NCAM1: variants seen among roughly 807,000 people sequenced by gnomAD.
The protein encoded by NCAM1 is antigen recognized by monoclonal antibody 5.1H11.
Under a neutral mutation model 109.8 loss-of-function variants are expected in NCAM1, and 14 were observed. The observed-to-expected ratio is 0.13, with a 90% confidence interval of 0.08 to 0.20. The LOEUF (loss-of-function observed/expected upper bound fraction) is 0.20. NCAM1 is among the 10% of genes least tolerant of loss of function. NCAM1 has a pLI of 1.00. For missense variants in NCAM1, 774 were observed against 1,109.9 expected (o/e 0.70, Z 4.30); for synonymous variants, 418 against 442.9 (o/e 0.94, Z 0.70).
At chr11:112,998,790 A>T (rs567915197) in intron 1 of NCAM1, among the ~76,000 whole-genome samples, 3 of 152,286 alleles carry the variant, frequency 2.0e-5, no homozygotes, top group African/African-American at 7.2e-5. Flanking sequence ...GTGTGCCCAG[A>T]TCTCTTTTTT....
intron 1 of NCAM1, among the ~76,000 whole-genome samples, chr11:113,155,646 C>T (rs1406655268): frequency 1.3e-5 from 2 of 152,220 alleles, no homozygotes; most frequent in African/African-American, 4.8e-5. Flanking sequence ...CCTCCACCCA[C>T]ACTAGTGAAC....
intron 4 of NCAM1, 116 bp from the exon 5 acceptor site, chr11:113,205,927 G>A: frequency 7.5e-7 from 1 of 1,327,662 alleles, no homozygotes; most frequent in Non-Finnish European, 1.1e-6. Context: ...TTCTTATTTG[G>A]GCTTAAAACC....
chr11:113,226,051 C>A (rs1378828723), intron 9 of NCAM1, among the ~76,000 whole-genome samples: 1 of 152,194 alleles, frequency 6.6e-6, no homozygotes, highest in Non-Finnish European at 1.5e-5. Context: ...CAGCTAACAT[C>A]TCAATGACAG....
In NCAM1 at chr11:113,025,414, G is replaced by A. The variant is rs1469045872; in HGVS notation, c.52+63750G>A. Among the ~76,000 whole-genome samples the A allele has an allele frequency of 2.0e-5, 3 of 152,008 alleles. No individual in the cohort carries two copies. In the South Asian group the frequency reaches 6.2e-4, roughly 32 times the overall value. On this transcript the variant is annotated intron_variant, in intron 1 of 19. Coordinates refer to ENST00000316851, the MANE Select transcript of NCAM1 (RefSeq NM_181351.5). ...CCTACTTCTGCATCATGAATGCTGG[G>A]TTACAGTGGTAACCTATAAATTAAG...
chr11:113,234,275 G>T (rs1302648543), intron 13 of NCAM1, among the ~76,000 whole-genome samples: 2 of 148,050 alleles, frequency 1.4e-5, no homozygotes, highest in Non-Finnish European at 3.0e-5. Flanking sequence ...TTTTTTTAAA[G>T]ATCAATTCTA....
At chr11:113,034,195 A>G (rs1277358514) in intron 1 of NCAM1, among the ~76,000 whole-genome samples, 1 of 152,174 alleles carries the variant, frequency 6.6e-6, no homozygotes. Context: ...TCTGTTGTCC[A>G]GTCATGCGCA....
chr11:112,969,167 A>G (rs1950807731), intron 1 of NCAM1, among the ~76,000 whole-genome samples: 3 of 152,168 alleles, frequency 2.0e-5, no homozygotes, highest in Admixed American at 2.0e-4. Context: ...TGGGCAGAGC[A>G]GACACCCTGA....
chr11:113,128,161 C>T (rs1421083853), intron 1 of NCAM1, among the ~76,000 whole-genome samples: 1 of 152,206 alleles, frequency 6.6e-6, no homozygotes, highest in Non-Finnish European at 1.5e-5. Flanking sequence ...TTTCCAACAG[C>T]ATCTAATACG....
chr11:113,251,134 G>T (rs1945666625), intron 15 of NCAM1, among the ~76,000 whole-genome samples: 1 of 152,162 alleles, frequency 6.6e-6, no homozygotes, highest in Non-Finnish European at 1.5e-5. Context: ...TGCCTGTTTG[G>T]CACCCCAGCC....
At chr11:112,993,286 T>C (rs1555070857) in intron 1 of NCAM1, among the ~76,000 whole-genome samples, 1 of 151,950 alleles carries the variant, frequency 6.6e-6, no homozygotes. Context: ...GCATATCACA[T>C]GGGGAAAGTA....
intron 9 of NCAM1, among the ~76,000 whole-genome samples, chr11:113,222,488 T>C (rs1944716704): frequency 1.3e-5 from 2 of 152,240 alleles, no homozygotes; most frequent in African/African-American, 2.4e-5. Flanking sequence ...CTCCCTGTCA[T>C]TGGGATGACT....
chr11:113,034,975 C>G (rs1555078923), intron 1 of NCAM1, among the ~76,000 whole-genome samples: 1 of 152,182 alleles, frequency 6.6e-6, no homozygotes, highest in Non-Finnish European at 1.5e-5. Context: ...AACCTTGAAT[C>G]AACACTCTCG....
At chr11:113,058,235 G>C (rs1555082914) in intron 1 of NCAM1, among the ~76,000 whole-genome samples, 1 of 150,150 alleles carries the variant, frequency 6.7e-6, no homozygotes, top group Admixed American at 6.6e-5. Context: ...AGTGAGCCGA[G>C]ATCTCACCAT....
At position 113,193,705 on chromosome 11, in the gene NCAM1, G is replaced by C. The variant is rs142336549; in HGVS notation, c.53-8674G>C. Among the ~76,000 whole-genome samples, 11 of 152,178 alleles carry C rather than the reference G, an allele frequency of 7.2e-5. No individual in the cohort carries two copies. In the East Asian group the frequency reaches 2.1e-3, roughly 29 times the overall value. ...ACAGAGAAAGAGAGAAAGAGAAAGG[G>C]AAAGGAAAAGAAATGAGAAAAGAGA... On this transcript the variant is annotated intron_variant, in intron 1 of 19. Transcript: ENST00000316851.
At chr11:113,260,052 T>A (rs1311862272) in intron 16 of NCAM1, 94 bp from the exon 17 acceptor site, 1 of 1,109,218 alleles carries the variant, frequency 9.0e-7, no homozygotes, top group Admixed American at 2.7e-5. Flanking sequence ...AGTTATTGAG[T>A]CCCGTAAGTT....
intron 1 of NCAM1, among the ~76,000 whole-genome samples, chr11:113,178,257 A>C (rs1338179362): frequency 6.6e-6 from 1 of 152,180 alleles, no homozygotes; most frequent in Non-Finnish European, 1.5e-5. Flanking sequence ...ATGGGGGCCA[A>C]ATGGGAGAGA....
At chr11:113,167,089 A>G (rs1942826873) in intron 1 of NCAM1, among the ~76,000 whole-genome samples, 1 of 152,132 alleles carries the variant, frequency 6.6e-6, no homozygotes, top group Middle Eastern at 3.2e-3. Context: ...TGCCACTCTC[A>G]CTACACTGAC....
chr11:113,111,940 G>C (rs1000745632), intron 1 of NCAM1, among the ~76,000 whole-genome samples: 1 of 152,124 alleles, frequency 6.6e-6, no homozygotes, highest in Non-Finnish European at 1.5e-5. Context: ...TCTCATCGCA[G>C]ATCTTATTTT....
At chr11:113,023,823 G>T (rs888393704) in intron 1 of NCAM1, among the ~76,000 whole-genome samples, 4 of 151,998 alleles carry the variant, frequency 2.6e-5, no homozygotes, top group African/African-American at 4.8e-5. Flanking sequence ...AACCTGAAAA[G>T]GACTCTAGCA....
Sources: gnomAD v4.1 joint callset for allele counts (sites outside exome capture counted in the v4.1 genomes callset) on GRCh38, gnomAD v4.1.1 for gene constraint, MANE v1.5 for transcripts, NCBI Gene and HGNC (gene_info 2026-07-23, HGNC 2026-07-21) for gene names.